ITGA11: variants seen among roughly 807,000 people sequenced by gnomAD.
ITGA11 encodes the protein integrin alpha-11.
Under a neutral mutation model 141.9 loss-of-function variants are expected in ITGA11, and 97 were observed. That is an observed-to-expected ratio of 0.68 (90% confidence interval 0.58 to 0.81). ITGA11 has a LOEUF of 0.81. ITGA11 is among the 30% of genes least tolerant of loss of function. The pLI is 0.00. For missense variants in ITGA11, 1,387 were observed against 1,559.2 expected, an observed-to-expected ratio of 0.89 and a Z score of 1.86; for synonymous variants, 658 against 624.6, an observed-to-expected ratio of 1.05 and a Z score of -0.80.
chr15:68,359,286 G>A (rs1265818165), intron 5 of ITGA11, among the ~76,000 whole-genome samples: 1 of 152,108 alleles, frequency 6.6e-6, no homozygotes, highest in Non-Finnish European at 1.5e-5. Flanking sequence ...GATATCATCA[G>A]GTCAAGCTCT....
intron 1 of ITGA11, among the ~76,000 whole-genome samples, chr15:68,416,185 C>A (rs998563074): frequency 1.3e-5 from 2 of 152,192 alleles, no homozygotes; most frequent in Non-Finnish European, 2.9e-5. Context: ...AGTGACTTAT[C>A]ACAACAGCCT....
intron 2 of ITGA11, among the ~76,000 whole-genome samples, chr15:68,373,835 G>C (rs1025995513): frequency 6.6e-5 from 10 of 152,210 alleles, no homozygotes; most frequent in Non-Finnish European, 1.5e-4. Flanking sequence ...TGCATTGACA[G>C]TGGGAGAGCT....
At chr15:68,378,837 C>T (rs1274448978) in intron 2 of ITGA11, among the ~76,000 whole-genome samples, 1 of 152,134 alleles carries the variant, frequency 6.6e-6, no homozygotes, top group Non-Finnish European at 1.5e-5. Flanking sequence ...TCATCACAAA[C>T]GTCAACTTCA....
rs138297691 is a variant in ITGA11 at position 68,312,776 on chromosome 15, G to A, written c.2970C>T (p.Phe990=). 2.2e-3 allele frequency: 3,467 copies of A among 1,611,014 alleles called. 8 individuals are homozygous for A. Among genetic ancestry groups the A allele is most frequent in the Admixed American group, 4.1e-3 (245 of 59,998 alleles). ...DGIGPPFSCI[F]RIQNLGLFPI... ...CCCGGCTCCCCTCCAGCCTCACCCT[G>A]AAGATGCAGCTGAAGGGAGGCCCGA... Residue 990 remains phenylalanine (F), a synonymous_variant, in exon 24 of 30, where the codon TTC becomes TTT. Coordinates refer to ENST00000315757, the MANE Select transcript of ITGA11 (RefSeq NM_001004439.2).
intron 9 of ITGA11, among the ~76,000 whole-genome samples, chr15:68,350,087 G>A (rs966914484): frequency 3.3e-5 from 5 of 152,168 alleles, no homozygotes; most frequent in African/African-American, 7.2e-5. Context: ...TTTTCCCAGC[G>A]ATAAAAATGA....
Position 68,315,733 on chromosome 15 carries a change from AGGAAGCAGTCGCATGTCTGGGCATTGCTG to A in ITGA11, c.2716-35_2716-7del. 2 of 1,608,036 alleles carry A rather than the reference AGGAAGCAGTCGCATGTCTGGGCATTGCTG, an allele frequency of 1.2e-6. No homozygotes were observed. Among genetic ancestry groups the A allele is most frequent in the Non-Finnish European group, 1.7e-6 (2 of 1,176,906 alleles). ...AAATCAAGACGGAAAGCCACCTGCA[AGGAAGCAGTCGCATGTCTGGGCATTGCTG>A]GGACCAGCCCCGCCCACTCCCCACA... is the stretch of plus-strand genomic sequence containing the variant. On this transcript the variant is annotated splice_polypyrimidine_tract_variant and splice_region_variant and intron_variant, in intron 21 of 29. Coordinates refer to ENST00000315757, the MANE Select transcript of ITGA11 (RefSeq NM_001004439.2).
Position 68,300,160 on chromosome 15 carries a change from C to T in ITGA11, c.*2899G>A, listed in dbSNP as rs1892995569. The T allele has an allele frequency of 6.6e-6, 1 of 152,250 alleles. No individual in the cohort carries two copies. Among genetic ancestry groups the T allele is most frequent in the South Asian group, 2.1e-4 (1 of 4,836 alleles). The allele number at this position is 152,250 out of a possible 1,614,324, so 9.4% of individuals were successfully genotyped here. A position where few individuals can be genotyped will look rare whatever the true frequency, so the allele number is the denominator to read the frequency against. On this transcript the variant is annotated 3_prime_UTR_variant, in exon 30 of 30. Transcript: ENST00000315757. ...AAGTTTAATGTGCTTAGAATTACCT[C>T]ACAGAGCTTGGATCCATGAAGTCTG...
rs1468519650 is a variant in ITGA11, at chr15:68,331,131, AG to A, written c.1771-21del. 9 of 1,228,688 alleles carry A rather than the reference AG, an allele frequency of 7.3e-6. No individual in the cohort carries two copies. The highest frequency in any genetic ancestry group is 2.1e-5 in the Admixed American group (1 of 46,564). The allele number at this position is 1,228,688 out of a possible 1,614,324, so 76.1% of individuals were successfully genotyped here. ...GATTCTCTGCAGGGCGCGGGAAGAG[AG>A]GGGGAGGGCATGCACACTGTGAGTG... On this transcript the variant is annotated intron_variant, in intron 14 of 29. Transcript: ENST00000315757.
At chr15:68,396,368 T>C (rs1236497382) in intron 2 of ITGA11, among the ~76,000 whole-genome samples, 2 of 152,090 alleles carry the variant, frequency 1.3e-5, no homozygotes, top group African/African-American at 4.8e-5. Flanking sequence ...CACCTGTTCA[T>C]AATTTTTAAA....
chr15:68,347,612 T>C (rs1258690714), intron 10 of ITGA11, among the ~76,000 whole-genome samples: 2 of 152,084 alleles, frequency 1.3e-5, no homozygotes, highest in Non-Finnish European at 2.9e-5. Context: ...CCCCTCCAGT[T>C]TGGAAGTTCT....
chr15:68,424,518 G>T (rs1489910137), intron 1 of ITGA11, among the ~76,000 whole-genome samples: 1 of 152,134 alleles, frequency 6.6e-6, no homozygotes, highest in East Asian at 1.9e-4. Flanking sequence ...GATGTGTTCT[G>T]GGGTGGGGTC....
rs570656922 is a variant in ITGA11 at position 68,308,280 on chromosome 15, C to A, written c.3175-584G>T. Among the ~76,000 whole-genome samples, 1 of 152,054 alleles carries A rather than the reference C, an allele frequency of 6.6e-6. No homozygotes were observed. The highest frequency in any genetic ancestry group is 1.5e-5 in the Non-Finnish European group (1 of 68,034). ...AGATAAGACATCAGTTTGAAAAGAG[C>A]CCCTATCTGAGCAACATGAATTCTG... On this transcript the variant is annotated intron_variant, in intron 26 of 29. Transcript: ENST00000315757. The surrounding 1 kb of genome is among the most constrained non-coding windows in gnomAD (Gnocchi z 5.2).
intron 2 of ITGA11, among the ~76,000 whole-genome samples, chr15:68,387,834 C>T (rs1231945463): frequency 2.0e-5 from 3 of 152,070 alleles, no homozygotes; most frequent in Non-Finnish European, 4.4e-5. Flanking sequence ...CCTCTTCTGC[C>T]CCCGGACACA....
intron 6 of ITGA11, among the ~76,000 whole-genome samples, chr15:68,357,917 T>G (rs1389164322): frequency 6.6e-6 from 1 of 152,182 alleles, no homozygotes; most frequent in Non-Finnish European, 1.5e-5. Flanking sequence ...CATGAGAAAG[T>G]CCACTCCCTT....
intron 1 of ITGA11, among the ~76,000 whole-genome samples, chr15:68,425,966 C>T (rs1170986169): frequency 2.0e-5 from 3 of 152,206 alleles, no homozygotes; most frequent in Non-Finnish European, 2.9e-5. Flanking sequence ...AACCTCTGCC[C>T]GCTTTAGAGC....
At chr15:68,353,942 AG>A (rs1357110599) in intron 7 of ITGA11, among the ~76,000 whole-genome samples, 1 of 152,096 alleles carries the variant, frequency 6.6e-6, no homozygotes, top group Non-Finnish European at 1.5e-5. Context: ...ATGGTCTGGA[AG>A]GCCTCAGGCA....
At chr15:68,427,001 C>A (rs1897157982) in intron 1 of ITGA11, among the ~76,000 whole-genome samples, 1 of 104,270 alleles carries the variant, frequency 9.6e-6, no homozygotes. Context: ...GGCGACAGAG[C>A]AAGACTGTCT....
chr15:68,332,415 C>T lies in ITGA11; in HGVS notation c.1489G>A (p.Val497Ile), dbSNP rs1480653704. The T allele has an allele frequency of 6.2e-6, 10 of 1,611,270 alleles. No individual in the cohort carries two copies. In the Admixed American group the frequency reaches 6.7e-5, roughly 11 times the overall value. The change falls in exon 13 of 30, where the codon GTC becomes ATC. Residue 497 changes from valine to isoleucine, a missense_variant. Coordinates refer to ENST00000315757, the MANE Select transcript of ITGA11 (RefSeq NM_001004439.2). ...VDIDGDGVTD[V>I]LLVGAPMYFN... ...TACATGGGTGCGCCCACCAGCAGGACATCAGTCACGCCGTCGCCGTCGATG... is the reference window on the plus strand; with the variant it reads ...TACATGGGTGCGCCCACCAGCAGGATATCAGTCACGCCGTCGCCGTCGATG...
In ITGA11 at chr15:68,313,840, C is replaced by T. The variant is rs747140563; in HGVS notation, c.2821G>A (p.Glu941Lys). The change falls in exon 23 of 30, where the codon GAA becomes AAA. Residue 941 changes from glutamate to lysine, a missense_variant. By Grantham distance (56) the Glu-to-Lys change is moderately conservative. Coordinates refer to ENST00000315757, the MANE Select transcript of ITGA11 (RefSeq NM_001004439.2). ...AAGCGTAAGGGGGCCACGTTGTCTT[C>T]CTTGGTGCTGTCCCGCTCATTACTG... ...SDSNERDSTK[E>K]DNVAPLRFHL... 1.2e-6 allele frequency: 2 copies of T among 1,614,008 alleles called. No homozygotes were observed. Among genetic ancestry groups the T allele is most frequent in the Non-Finnish European group, 1.7e-6 (2 of 1,179,868 alleles).
Sources: gnomAD v4.1 joint callset for allele counts (sites outside exome capture counted in the v4.1 genomes callset) on GRCh38, gnomAD v4.1.1 for gene constraint, Gnocchi (gnomAD v3.1) non-coding constraint, MANE v1.5 for transcripts, NCBI Gene and HGNC (gene_info 2026-07-23, HGNC 2026-07-21) for gene names.